KIF16B: variants seen among roughly 807,000 people sequenced by gnomAD.
The protein encoded by KIF16B is kinesin-like protein KIF16B.
KIF16B carries 98 observed loss-of-function variants against 156.3 expected under a neutral mutation model. That is an observed-to-expected ratio of 0.63 (90% CI 0.53 to 0.74). The LOEUF is 0.74. Among genes scored for constraint, KIF16B ranks in the 30% least tolerant of loss-of-function variants. The pLI is 0.00. For synonymous variants in KIF16B, 564 were observed against 583.7 expected (o/e 0.97, Z 0.49); for missense variants, 1,421 against 1,606.5 (o/e 0.88, Z 1.97).
intron 25 of KIF16B, among the ~76,000 whole-genome samples, chr20:16,310,862 C>T (rs2063609567): frequency 6.6e-6 from 1 of 152,156 alleles, no homozygotes; most frequent in Non-Finnish European, 1.5e-5. Context: ...ATGGCTGTAT[C>T]CCGAAACTCC....
At chr20:16,394,867 T>G (rs2065453856) in intron 17 of KIF16B, among the ~76,000 whole-genome samples, 2 of 152,212 alleles carry the variant, frequency 1.3e-5, no homozygotes, top group South Asian at 4.2e-4. Context: ...GTGCAAACCT[T>G]GTTGAGAATA....
intron 15 of KIF16B, among the ~76,000 whole-genome samples, chr20:16,423,383 A>G (rs1202295355): frequency 1.3e-5 from 2 of 152,216 alleles, no homozygotes; most frequent in African/African-American, 4.8e-5. Context: ...TTACATTTAA[A>G]TAGAAAATAC....
At chr20:16,405,019 GCAC>G in intron 16 of KIF16B, 118 bp from the exon 17 acceptor site, 1 of 691,118 alleles carries the variant, frequency 1.4e-6, no homozygotes, top group Non-Finnish European at 2.6e-6. Context: ...TAATTAACAC[GCAC>G]CACAATTAAC....
At position 16,272,354 on chromosome 20, in the gene KIF16B, T is replaced by C. The variant is rs1356423714; in HGVS notation, c.*899A>G. The C allele has an allele frequency of 6.6e-6, 1 of 152,612 alleles. No homozygotes were observed. The highest frequency in any genetic ancestry group is 1.5e-5 in the Non-Finnish European group (1 of 68,038). 9.5% of individuals were successfully genotyped at this position (152,612 alleles called of 1,614,324 possible). On this transcript the variant is annotated 3_prime_UTR_variant, in exon 26 of 26. Transcript: ENST00000354981. ...CTGTACACAGAAGTGCAATGCTACA[T>C]TAAGTCCTGAGTAATTTAAGGTATC... is the stretch of plus-strand genomic sequence containing the variant.
chr20:16,368,696 A>G, intron 22 of KIF16B: 1 of 985,956 alleles, frequency 1.0e-6, no homozygotes. Flanking sequence ...TGCTCACTAT[A>G]AAACTCAGAC....
chr20:16,564,419 A>T (rs767345787), intron 1 of KIF16B, among the ~76,000 whole-genome samples: 1 of 152,120 alleles, frequency 6.6e-6, no homozygotes. Context: ...AGGACAAAAA[A>T]CCAAACACCG....
At chr20:16,555,075 G>A (rs1030926152) in intron 1 of KIF16B, among the ~76,000 whole-genome samples, 14 of 152,326 alleles carry the variant, frequency 9.2e-5, no homozygotes, top group African/African-American at 3.4e-4. Context: ...AGCAAAACTT[G>A]GGCAAAGGTG....
chr20:16,486,344 G>A (rs377618441), intron 12 of KIF16B, among the ~76,000 whole-genome samples: 8 of 152,074 alleles, frequency 5.3e-5, no homozygotes, highest in Admixed American at 3.9e-4. Context: ...ATTATGGGGA[G>A]AATATTTTCA....
Position 16,371,748 on chromosome 20 carries a change from T to A in KIF16B, c.3364A>T (p.Ile1122Phe). ...AGGCGTCTTTGGACTTCTTCTTCAA[T>A]GTAAGCATTGATCCTGTAACACAAT... is the stretch of plus-strand genomic sequence containing the variant. ...PLMDARINAY[I>F]EEEVQRRLQD... The change falls in exon 21 of 26, where the codon ATT (isoleucine) becomes TTT (phenylalanine). Residue 1122 changes from isoleucine (I) to phenylalanine (F), a missense_variant. Transcript: ENST00000354981. 1.2e-6 allele frequency: 2 copies of A among 1,612,828 alleles called. No individual in the cohort carries two copies. Among genetic ancestry groups the A allele is most frequent in the Non-Finnish European group, 8.5e-7 (1 of 1,178,812 alleles).
At chr20:16,495,422 T>A (rs571880291) in intron 11 of KIF16B, among the ~76,000 whole-genome samples, 2 of 152,314 alleles carry the variant, frequency 1.3e-5, no homozygotes, top group East Asian at 3.9e-4. Context: ...AAAGAAAGCA[T>A]CAGTTATTGA....
intron 24 of KIF16B, among the ~76,000 whole-genome samples, chr20:16,333,558 G>A (rs2063985777): frequency 1.3e-5 from 2 of 152,154 alleles, no homozygotes; most frequent in South Asian, 2.1e-4. Flanking sequence ...AAACATGTTT[G>A]TAATACACCC....
intron 22 of KIF16B, chr20:16,366,855 T>C (rs1189367295): frequency 1.8e-6 from 2 of 1,107,950 alleles, no homozygotes; most frequent in African/African-American, 3.3e-5. Flanking sequence ...CAATCAGAAA[T>C]GCTTTAATCA....
intron 1 of KIF16B, among the ~76,000 whole-genome samples, chr20:16,565,750 C>T (rs2071229637): frequency 6.6e-6 from 1 of 152,188 alleles, no homozygotes; most frequent in Admixed American, 6.5e-5. Flanking sequence ...CCACCAGCAC[C>T]CCGAAACAAA....
chr20:16,523,263 A>C (rs1325543036), intron 3 of KIF16B, among the ~76,000 whole-genome samples: 1 of 152,212 alleles, frequency 6.6e-6, no homozygotes, highest in African/African-American at 2.4e-5. Flanking sequence ...TTCACATGAC[A>C]TGATTGTATA....
intron 10 of KIF16B, among the ~76,000 whole-genome samples, chr20:16,503,583 C>T (rs931855489): frequency 3.3e-5 from 5 of 152,170 alleles, no homozygotes; most frequent in Non-Finnish European, 7.4e-5. Context: ...TTTCTTTTCA[C>T]GATATACTTA....
intron 15 of KIF16B, among the ~76,000 whole-genome samples, chr20:16,419,126 G>A (rs911408692): frequency 6.6e-6 from 1 of 152,118 alleles, no homozygotes; most frequent in Non-Finnish European, 1.5e-5. Context: ...TGCTGATGTT[G>A]ATGACATACT....
At chr20:16,327,980 A>G (rs2063885066) in intron 24 of KIF16B, among the ~76,000 whole-genome samples, 2 of 152,178 alleles carry the variant, frequency 1.3e-5, no homozygotes, top group African/African-American at 4.8e-5. Flanking sequence ...AAACTGTTAT[A>G]ATGCATTTGA....
intron 4 of KIF16B, among the ~76,000 whole-genome samples, chr20:16,514,823 T>G (rs143535032): frequency 1.4e-5 from 2 of 142,706 alleles, no homozygotes; most frequent in African/African-American, 5.4e-5. Flanking sequence ...GAGGCAGAGC[T>G]TGCAGCGAGC....
intron 17 of KIF16B, among the ~76,000 whole-genome samples, chr20:16,383,817 G>A: frequency 6.6e-6 from 1 of 152,174 alleles, no homozygotes; most frequent in Non-Finnish European, 1.5e-5. Context: ...AGCTCAGTGT[G>A]CCCATCAGTA....
Sources: gnomAD v4.1 joint callset for allele counts (sites outside exome capture counted in the v4.1 genomes callset) on GRCh38, gnomAD v4.1.1 for gene constraint, MANE v1.5 for transcripts, NCBI Gene and HGNC (gene_info 2026-07-23, HGNC 2026-07-21) for gene names.